NIBAN3: variants seen among roughly 807,000 people sequenced by gnomAD.
NIBAN3 encodes niban apoptosis regulator 3.
A neutral mutation model predicts 76.4 loss-of-function variants in NIBAN3; 66 were observed. The observed-to-expected ratio is 0.86, with a 90% confidence interval of 0.71 to 1.06. The LOEUF is 1.06. Among genes scored for constraint, NIBAN3 ranks in the 50% least tolerant of loss-of-function variants. The pLI, the probability that NIBAN3 is intolerant of heterozygous loss-of-function variation, is 0.00. For missense variants in NIBAN3, 808 were observed against 810.7 expected, an observed-to-expected ratio of 1.00 and a Z score of 0.04; for synonymous variants, 360 against 355.2, an observed-to-expected ratio of 1.01 and a Z score of -0.15.
At chr19:17,532,654 C>G (rs1304351144) in intron 3 of NIBAN3, among the ~76,000 whole-genome samples, 1 of 152,186 alleles carries the variant, frequency 6.6e-6, no homozygotes, top group East Asian at 1.9e-4. Context: ...GGGGCCTTTG[C>G]AAGTCACACC....
upstream of NIBAN3, among the ~76,000 whole-genome samples, chr19:17,523,937 G>A (rs2075581492): frequency 2.6e-5 from 4 of 152,142 alleles, no homozygotes; most frequent in African/African-American, 7.2e-5. Context: ...CGTCCAGGCT[G>A]GAGTGCAGTG....
rs569184096 is a variant in NIBAN3 at position 17,540,776 on chromosome 19, C to T, written c.1170+194C>T. On this transcript the variant is annotated intron_variant, in intron 9 of 14. Coordinates refer to ENST00000599164, the MANE Select transcript of NIBAN3 (RefSeq NM_001321827.2). ...GAGACAGGGGTGTCGCTCTGTCACCCTGGCTGAAGTGTAGTGGCACAATCT... is the reference window on the plus strand; with the variant it reads ...GAGACAGGGGTGTCGCTCTGTCACCTTGGCTGAAGTGTAGTGGCACAATCT... 2.6e-5 allele frequency among the ~76,000 whole-genome samples: 4 copies of T among 152,252 alleles called. No individual in the cohort carries two copies. The South Asian group carries it at 8.3e-4, about 31-fold the overall frequency.
chr19:17,539,197 G>A lies in NIBAN3; in HGVS notation c.643G>A (p.Val215Ile), dbSNP rs202226577. ...APAARAFLDA[V>I]RLYRQHQGHF... The stretch of plus-strand genomic sequence containing the variant: ...TGCTGCCCGGGCCTTCCTGGACGCC[G>A]TCCGACTCTACCGGCAGCACCAAGG... Residue 215 changes from valine (V) to isoleucine (I), a missense_variant, in exon 6 of 15, where the codon GTC becomes ATC. Coordinates refer to ENST00000599164, the MANE Select transcript of NIBAN3 (RefSeq NM_001321827.2). 5.6e-6 allele frequency: 9 copies of A among 1,606,972 alleles called. No homozygotes were observed. The African/African-American group carries it at 6.7e-5, about 12-fold the overall frequency.
At chr19:17,544,876 C>A (rs1258452004) in intron 12 of NIBAN3, among the ~76,000 whole-genome samples, 12 of 152,102 alleles carry the variant, frequency 7.9e-5, no homozygotes, top group African/African-American at 2.7e-4. Context: ...TCCCATGAAT[C>A]CTTTCCACAA....
chr19:17,533,790 C>A, intron 4 of NIBAN3, 89 bp downstream of exon 4: 1 of 970,966 alleles, frequency 1.0e-6, no homozygotes, highest in Non-Finnish European at 1.6e-6. Flanking sequence ...GTGGGGGCGT[C>A]CCGTGTACAG....
chr19:17,535,531 G>T (rs773489307), intron 4 of NIBAN3, among the ~76,000 whole-genome samples: 1 of 152,054 alleles, frequency 6.6e-6, no homozygotes, highest in African/African-American at 2.4e-5. Flanking sequence ...AGGCCAAGGC[G>T]GGCAGATCAC....
chr19:17,524,243 C>T (rs1424634025), upstream of NIBAN3, among the ~76,000 whole-genome samples: 5 of 151,704 alleles, frequency 3.3e-5, no homozygotes, highest in Non-Finnish European at 7.4e-5. Flanking sequence ...CTATCCCCTC[C>T]TGCTGCATTT....
In NIBAN3 at chr19:17,553,454, A is replaced by G. The variant is rs371879832; in HGVS notation, c.*1556A>G. 4.3e-5 allele frequency: 70 copies of G among 1,614,056 alleles called. No individual in the cohort carries two copies. Among genetic ancestry groups the G allele is most frequent in the Non-Finnish European group, 5.7e-5 (67 of 1,180,048 alleles). On this transcript the variant is annotated 3_prime_UTR_variant, in exon 15 of 15. Coordinates refer to ENST00000599164, the MANE Select transcript of NIBAN3 (RefSeq NM_001321827.2). ...TGCAGCTGCTTCCGGAGTGGGTTCC[A>G]CAGGGATTCCCGTGTGTTCTTGGTT...
chr19:17,527,331 C>A lies in NIBAN3; in HGVS notation c.-10C>A, dbSNP rs200808762. On this transcript the variant is annotated 5_prime_UTR_variant, in exon 1 of 15. Transcript: ENST00000599164. ...GGAAGGGAAGAGGAGCCCCGGGAGA[C>A]GACAGCAGCATGGGTGGGCGGCCTT... 2 of 1,550,316 alleles carry A rather than the reference C, an allele frequency of 1.3e-6. No homozygotes were observed. The highest frequency in any genetic ancestry group is 1.7e-6 in the Non-Finnish European group (2 of 1,146,726).
At chr19:17,531,621 C>G (rs150069788) in intron 2 of NIBAN3, among the ~76,000 whole-genome samples, 1 of 152,164 alleles carries the variant, frequency 6.6e-6, no homozygotes, top group African/African-American at 2.4e-5. Flanking sequence ...GCCACCTCCA[C>G]CTCCCAGGTT....
At chr19:17,545,939 C>A (rs1037111614) in intron 12 of NIBAN3, 6 of 439,282 alleles carry the variant, frequency 1.4e-5, no homozygotes, top group Non-Finnish European at 2.8e-5. Flanking sequence ...CTCCCTTTCC[C>A]GGTCTGCTAA....
chr19:17,546,854 C>G, intron 13 of NIBAN3, 57 bp downstream of exon 13: 3 of 1,540,952 alleles, frequency 1.9e-6, no homozygotes, highest in Non-Finnish European at 2.6e-6. Flanking sequence ...CTGTATGTAC[C>G]GAGCCCCACC....
At chr19:17,523,415 CAG>C, upstream of NIBAN3, 2 of 1,555,008 alleles carry the variant, frequency 1.3e-6, no homozygotes, top group Non-Finnish European at 1.7e-6. Flanking sequence ...GCAGGCCACT[CAG>C]ATGTGAGAGT....
At chr19:17,526,861 T>G (rs533043096), upstream of NIBAN3, among the ~76,000 whole-genome samples, 21 of 151,998 alleles carry the variant, frequency 1.4e-4, no homozygotes, top group African/African-American at 4.6e-4. Flanking sequence ...CCTGTCCAGC[T>G]CTGTCTCCCC....
At chr19:17,532,937 G>A (rs1353928239) in intron 3 of NIBAN3, among the ~76,000 whole-genome samples, 3 of 151,886 alleles carry the variant, frequency 2.0e-5, no homozygotes, top group Non-Finnish European at 4.4e-5. Flanking sequence ...GAAAGTTATG[G>A]GGGCAGAGGT....
At chr19:17,525,088 C>A (rs1400272945), upstream of NIBAN3, among the ~76,000 whole-genome samples, 1 of 152,164 alleles carries the variant, frequency 6.6e-6, no homozygotes, top group East Asian at 1.9e-4. Context: ...CTCAGGGGCT[C>A]CCTGGGGATC....
At chr19:17,528,467 C>T (rs2075650498) in intron 1 of NIBAN3, among the ~76,000 whole-genome samples, 1 of 152,018 alleles carries the variant, frequency 6.6e-6, no homozygotes, top group Admixed American at 6.6e-5. Context: ...AGGCATAGGG[C>T]CAAGTGGAGG....
At chr19:17,537,592 C>A in intron 5 of NIBAN3, 49 bp downstream of exon 5, 1 of 1,497,560 alleles carries the variant, frequency 6.7e-7, no homozygotes, top group South Asian at 1.3e-5. Flanking sequence ...GGTCTGGGGT[C>A]AGATGGCTCA....
At chr19:17,544,951 C>T (rs1226143150) in intron 12 of NIBAN3, among the ~76,000 whole-genome samples, 1 of 152,052 alleles carries the variant, frequency 6.6e-6, no homozygotes, top group Non-Finnish European at 1.5e-5. Flanking sequence ...GGCGTGGTGG[C>T]ACATGCCTGT....
Sources: allele counts gnomAD v4.1 joint callset (sites outside exome capture counted in the v4.1 genomes callset), GRCh38; gene constraint gnomAD v4.1.1; transcripts MANE v1.5; gene names NCBI Gene and HGNC (gene_info 2026-07-23, HGNC 2026-07-21).